SRP72: variants seen among roughly 807,000 people sequenced by gnomAD.
SRP72 encodes the protein signal recognition particle subunit SRP72.
In SRP72, 49 loss-of-function variants were observed where a neutral mutation model predicts 96.3. That is an observed-to-expected ratio of 0.51 (90% CI 0.40 to 0.65). The LOEUF is 0.65. Ranked by LOEUF, SRP72 falls within the 30% of genes least tolerant of loss-of-function variation. The pLI is 0.00. For missense variants in SRP72, 736 were observed against 793.3 expected, an observed-to-expected ratio of 0.93 and a Z score of 0.87; for synonymous variants, 267 against 275.2, an observed-to-expected ratio of 0.97 and a Z score of 0.30.
intron 17 of SRP72, among the ~76,000 whole-genome samples, chr4:56,496,995 A>C (rs56099714): frequency 0.22 from 33,457 of 151,468 alleles, 3,942 homozygotes; most frequent in Admixed American, 0.36. Flanking sequence ...CCCTGCCCCC[A>C]AAAAAAAGCA....
intron 14 of SRP72, 63 bp downstream of exon 14, chr4:56,490,499 A>G: frequency 1.9e-6 from 3 of 1,595,350 alleles, no homozygotes; most frequent in Non-Finnish European, 1.7e-6. Flanking sequence ...GATATGAGGG[A>G]GTTACTTGTT....
chr4:56,469,752 C>G lies in SRP72; in HGVS notation c.209C>G (p.Thr70Ser). The change falls in exon 2 of 19, where the codon ACT (threonine) becomes AGT (serine). Residue 70 changes from threonine to serine, a missense_variant. Physicochemically the swap from Thr to Ser is moderately conservative, Grantham distance 58. Around this residue, in one of 3 missense-constraint regions of SRP72, gnomAD observed 329 missense variants for 319.0 expected, o/e 1.03. Coordinates refer to ENST00000642900, the MANE Select transcript of SRP72 (RefSeq NM_006947.4). The part of the protein sequence containing the change: ...SFKEALNVIN[T>S]HTKVLANNSL... ...AAGGAAGCTTTGAATGTCATCAATA[C>G]TCACACCAAAGTGTTAGCCAAGTAA... is the stretch of plus-strand genomic sequence containing the variant. 6.2e-7 allele frequency: 1 copy of G among 1,610,622 alleles called. No individual in the cohort carries two copies. Among genetic ancestry groups the G allele is most frequent in the Non-Finnish European group, 8.5e-7 (1 of 1,177,434 alleles).
intron 17 of SRP72, among the ~76,000 whole-genome samples, 166 bp downstream of exon 17, chr4:56,495,560 C>T (rs904564746): frequency 7.2e-5 from 11 of 152,110 alleles, no homozygotes; most frequent in South Asian, 2.1e-4. Flanking sequence ...CTTTAAAGAT[C>T]GCAATTCACT....
At chr4:56,488,277 A>G (rs1342501894) in intron 12 of SRP72, among the ~76,000 whole-genome samples, 1 of 152,162 alleles carries the variant, frequency 6.6e-6, no homozygotes, top group Non-Finnish European at 1.5e-5. Flanking sequence ...CTGTATAGGA[A>G]TTTCTTAGCC....
chr4:56,471,568 C>T, intron 2 of SRP72, 152 bp from the exon 3 acceptor site: 1 of 751,016 alleles, frequency 1.3e-6, no homozygotes, highest in Non-Finnish European at 2.0e-6. Context: ...TATACATTTA[C>T]AAGCTATCTG....
At position 56,486,302 on chromosome 4, in the gene SRP72, T is replaced by C. The variant is rs747060343; in HGVS notation, c.1087-23T>C. On this transcript the variant is annotated intron_variant, in intron 10 of 18. Transcript: ENST00000642900. ...TTGTGTAAATTAAATGTGATTTTTTTCCCCCAAACTAAAAAAATTTAGGAA... is the reference window on the plus strand; with the variant it reads ...TTGTGTAAATTAAATGTGATTTTTTCCCCCCAAACTAAAAAAATTTAGGAA... The C allele has an allele frequency of 2.8e-5, 44 of 1,566,188 alleles. No homozygotes were observed. The South Asian group carries it at 4.1e-4, about 15-fold the overall frequency.
chr4:56,490,670 A>G (rs767521590), intron 15 of SRP72, 25 bp downstream of exon 15: 2 of 1,583,792 alleles, frequency 1.3e-6, no homozygotes, highest in Non-Finnish European at 1.7e-6. Context: ...GTTATTCCTT[A>G]CAGCTCCTCA....
rs1276394666 is a variant in SRP72, at chr4:56,491,474, G to A, written c.1546G>A (p.Val516Ile). ...LPSSDSMSLK[V>I]DVEALENSAG... ...ATCGTCAGATAGTATGTCTCTAAAAGTAGATGTTGAGGCTCTTGAAAATTC... is the reference window on the plus strand; with the variant it reads ...ATCGTCAGATAGTATGTCTCTAAAAATAGATGTTGAGGCTCTTGAAAATTC... The change falls in exon 16 of 19, where the codon GTA (valine) becomes ATA (isoleucine). Residue 516 changes from valine (V) to isoleucine (I), a missense_variant. Around this residue, in one of 3 missense-constraint regions of SRP72, gnomAD observed 388 missense variants for 431.8 expected, o/e 0.90. Transcript: ENST00000642900. 13 of 1,613,976 alleles carry A rather than the reference G, an allele frequency of 8.1e-6. No individual in the cohort carries two copies. Among genetic ancestry groups the A allele is most frequent in the Non-Finnish European group, 9.3e-6 (11 of 1,179,922 alleles).
intron 9 of SRP72, among the ~76,000 whole-genome samples, chr4:56,483,535 A>AAACCCTGTCTCTACATGGTGG: frequency 6.6e-6 from 1 of 152,234 alleles, no homozygotes; most frequent in South Asian, 2.1e-4. Flanking sequence ...CAACATGGTG[A>AAACCCTGTCTCTACATGGTGG]AACCCTGTCT....
intron 17 of SRP72, among the ~76,000 whole-genome samples, chr4:56,496,830 A>G (rs1436924951): frequency 1.3e-5 from 2 of 152,132 alleles, no homozygotes; most frequent in Non-Finnish European, 2.9e-5. Context: ...TCTAGTACAA[A>G]TATAAAAATT....
chr4:56,490,817 G>A (rs1272887029), intron 15 of SRP72, among the ~76,000 whole-genome samples, 172 bp downstream of exon 15: 9 of 152,116 alleles, frequency 5.9e-5, no homozygotes, highest in African/African-American at 1.2e-4. Flanking sequence ...TGAAAAATGC[G>A]GCGATAGATC....
intron 10 of SRP72, among the ~76,000 whole-genome samples, chr4:56,485,767 C>A (rs1003699405): frequency 6.6e-6 from 1 of 152,086 alleles, no homozygotes. Context: ...CGCCACTGCA[C>A]TCCAGCCTGG....
At position 56,482,295 on chromosome 4, in the gene SRP72, A is replaced by AG. The variant is rs1720529079; in HGVS notation, c.826-844_826-843insG. ...TCTCTACTAAAAATACAAAAAAAAA[A>AG]AAATTAGCCAGGCATGGTGGCGGGC... is the stretch of plus-strand genomic sequence containing the variant. On this transcript the variant is annotated intron_variant, in intron 8 of 18. Coordinates refer to ENST00000642900, the MANE Select transcript of SRP72 (RefSeq NM_006947.4). 2.6e-5 allele frequency among the ~76,000 whole-genome samples: 4 copies of AG among 151,278 alleles called. No individual in the cohort carries two copies. The South Asian group carries it at 8.4e-4, about 32-fold the overall frequency.
At chr4:56,467,849 C>A in intron 1 of SRP72, 105 bp downstream of exon 1, 1 of 1,065,596 alleles carries the variant, frequency 9.4e-7, no homozygotes, top group Non-Finnish European at 1.3e-6. Flanking sequence ...GAAGGGGAGA[C>A]CCCCGAAACC....
chr4:56,467,800 G>GT, intron 1 of SRP72, 56 bp downstream of exon 1: 1 of 1,398,058 alleles, frequency 7.2e-7, no homozygotes, highest in Non-Finnish European at 9.4e-7. Flanking sequence ...GATGCGGCCT[G>GT]TTTCCGGCGC....
At chr4:56,492,020 G>T (rs1360398097) in intron 16 of SRP72, among the ~76,000 whole-genome samples, 1 of 152,154 alleles carries the variant, frequency 6.6e-6, no homozygotes, top group Non-Finnish European at 1.5e-5. Context: ...TGTGCATTTA[G>T]TAGAGACAGG....
chr4:56,492,853 A>G (rs1486752029), intron 16 of SRP72, among the ~76,000 whole-genome samples: 1 of 152,108 alleles, frequency 6.6e-6, no homozygotes, highest in Non-Finnish European at 1.5e-5. Flanking sequence ...TTAGCCTGGC[A>G]TAGTGGCTCT....
intron 1 of SRP72, among the ~76,000 whole-genome samples, chr4:56,468,998 G>A (rs1719860888): frequency 2.6e-5 from 4 of 152,158 alleles, no homozygotes; most frequent in Admixed American, 2.6e-4. Flanking sequence ...CTTGCCACCT[G>A]AGTTCTTCCT....
At chr4:56,491,983 G>A (rs952582381) in intron 16 of SRP72, among the ~76,000 whole-genome samples, 2 of 152,028 alleles carry the variant, frequency 1.3e-5, no homozygotes, top group African/African-American at 2.4e-5. Context: ...TCAGCCTCCC[G>A]AGTAGCTGGG....
Sources: gnomAD v4.1 joint callset for allele counts (sites outside exome capture counted in the v4.1 genomes callset) on GRCh38, gnomAD v4.1.1 for gene constraint, gnomAD v4.1.1 regional missense constraint, MANE v1.5 for transcripts, NCBI Gene and HGNC (gene_info 2026-07-23, HGNC 2026-07-21) for gene names.